CYP39A1: variants seen among roughly 807,000 people sequenced by gnomAD.
CYP39A1 encodes 24-hydroxycholesterol 7-alpha-hydroxylase.
In CYP39A1, 49 loss-of-function variants were observed where a neutral mutation model predicts 58.1. That is an observed-to-expected ratio of 0.84 (90% CI 0.67 to 1.07). CYP39A1 has a LOEUF of 1.07. CYP39A1 is among the 50% of genes least tolerant of loss of function. CYP39A1 has a pLI of 0.00. For synonymous variants in CYP39A1, 209 were observed against 187.6 expected (o/e 1.11, Z -0.93); for missense variants, 531 against 539.4 (o/e 0.98, Z 0.16).
rs756512451 is a variant in CYP39A1, at chr6:46,553,874, T to G, written c.1251-20A>C. On this transcript the variant is annotated intron_variant, in intron 10 of 11. Coordinates refer to ENST00000275016, the MANE Select transcript of CYP39A1 (RefSeq NM_016593.5). ...AACCACCTGGAAGAAACGAATAAAA[T>G]TGTTACTTGATTGTGAAAGATGTAT... 7 of 1,477,662 alleles carry G rather than the reference T, an allele frequency of 4.7e-6. No homozygotes were observed. The South Asian group carries it at 6.0e-5, about 13-fold the overall frequency. 91.5% of individuals were successfully genotyped at this position (1,477,662 alleles called of 1,614,324 possible).
intron 6 of CYP39A1, among the ~76,000 whole-genome samples, chr6:46,628,623 G>A (rs542862546): frequency 2.0e-5 from 3 of 152,266 alleles, no homozygotes; most frequent in Admixed American, 1.3e-4. Context: ...TGAGTCCTAT[G>A]GGCCTTGAGG....
intron 10 of CYP39A1, among the ~76,000 whole-genome samples, chr6:46,586,829 C>T (rs76388234): frequency 0.021 from 3,248 of 152,166 alleles, 37 homozygotes; most frequent in Non-Finnish European, 0.028. Context: ...GAACCATAAA[C>T]GCTGCTTTGA....
intron 7 of CYP39A1, among the ~76,000 whole-genome samples, chr6:46,603,620 T>C (rs1483523939): frequency 6.6e-6 from 1 of 152,186 alleles, no homozygotes; most frequent in Admixed American, 6.5e-5. Flanking sequence ...TTGTATTCCT[T>C]TTTCCCGGGC....
At chr6:46,611,680 T>C (rs1377876758) in intron 7 of CYP39A1, among the ~76,000 whole-genome samples, 1 of 152,180 alleles carries the variant, frequency 6.6e-6, no homozygotes, top group African/African-American at 2.4e-5. Context: ...TCATGATTTT[T>C]TTTCAAGGAA....
intron 7 of CYP39A1, among the ~76,000 whole-genome samples, chr6:46,620,235 C>A (rs9463219): frequency 0.19 from 29,019 of 151,990 alleles, 2,980 homozygotes; most frequent in African/African-American, 0.27. Flanking sequence ...TGAAAATCAA[C>A]AACCCACAGT....
intron 7 of CYP39A1, among the ~76,000 whole-genome samples, chr6:46,604,187 T>C (rs1773692689): frequency 6.6e-6 from 1 of 152,190 alleles, no homozygotes; most frequent in Non-Finnish European, 1.5e-5. Flanking sequence ...GAGCAAATGT[T>C]AAGGAAATCA....
chr6:46,639,405 C>T (rs899073128), intron 3 of CYP39A1, 89 bp downstream of exon 3: 2 of 1,259,910 alleles, frequency 1.6e-6, no homozygotes, highest in African/African-American at 3.1e-5. Flanking sequence ...ATTAATCAAC[C>T]TGACAATGTT....
intron 10 of CYP39A1, among the ~76,000 whole-genome samples, chr6:46,558,763 C>T (rs1466889360): frequency 1.3e-5 from 2 of 151,974 alleles, no homozygotes; most frequent in Non-Finnish European, 1.5e-5. Flanking sequence ...TTTGGGAGGC[C>T]GAGGTGGGTG....
chr6:46,586,573 G>A (rs1561967553), intron 10 of CYP39A1: 2 of 985,976 alleles, frequency 2.0e-6, no homozygotes, highest in Non-Finnish European at 2.4e-6. Flanking sequence ...CACTGAGGAG[G>A]AGGGCTGGGT....
At chr6:46,570,530 T>G (rs1254522905) in intron 10 of CYP39A1, among the ~76,000 whole-genome samples, 4 of 152,162 alleles carry the variant, frequency 2.6e-5, no homozygotes, top group African/African-American at 9.7e-5. Flanking sequence ...GTTGTTGTGT[T>G]CGTTCATTTG....
chr6:46,647,297 A>T (rs1482888663), intron 1 of CYP39A1, among the ~76,000 whole-genome samples: 1 of 152,226 alleles, frequency 6.6e-6, no homozygotes, highest in Non-Finnish European at 1.5e-5. Context: ...TCATCCAAAC[A>T]CTAACCAAAA....
At chr6:46,640,611 A>G (rs1479204444) in intron 2 of CYP39A1, among the ~76,000 whole-genome samples, 5 of 151,380 alleles carry the variant, frequency 3.3e-5, no homozygotes, top group Non-Finnish European at 5.9e-5. Context: ...TTTCTGTTTT[A>G]AAAAAATTTT....
At chr6:46,557,950 A>AG (rs1367176887) in intron 10 of CYP39A1, among the ~76,000 whole-genome samples, 2 of 150,368 alleles carry the variant, frequency 1.3e-5, no homozygotes, top group Non-Finnish European at 3.0e-5. Flanking sequence ...AAAAAAAAAA[A>AG]AAAAGAAAAA....
At chr6:46,608,651 G>A (rs532587835) in intron 7 of CYP39A1, among the ~76,000 whole-genome samples, 1 of 150,350 alleles carries the variant, frequency 6.7e-6, no homozygotes, top group South Asian at 2.1e-4. Flanking sequence ...TCTCACTCTT[G>A]TTGCCCAGGC....
intron 2 of CYP39A1, among the ~76,000 whole-genome samples, chr6:46,640,607 T>C (rs944581977): frequency 1.3e-5 from 2 of 152,178 alleles, no homozygotes; most frequent in African/African-American, 4.8e-5. Context: ...ACTTTTTCTG[T>C]TTTAAAAAAA....
chr6:46,606,588 A>G (rs1416918559), intron 7 of CYP39A1, among the ~76,000 whole-genome samples: 1 of 152,188 alleles, frequency 6.6e-6, no homozygotes, highest in African/African-American at 2.4e-5. Flanking sequence ...ATGACAGACC[A>G]ATAAAGAAAC....
At chr6:46,565,533 T>G (rs1309468242) in intron 10 of CYP39A1, among the ~76,000 whole-genome samples, 1 of 151,476 alleles carries the variant, frequency 6.6e-6, no homozygotes, top group African/African-American at 2.4e-5. Flanking sequence ...AAAAAGGAGA[T>G]GAGAAAGTGT....
At chr6:46,639,123 A>G (rs1776169820) in intron 3 of CYP39A1, among the ~76,000 whole-genome samples, 1 of 152,138 alleles carries the variant, frequency 6.6e-6, no homozygotes, top group Non-Finnish European at 1.5e-5. Context: ...ATAATAGCAA[A>G]TTGCACTGAA....
chr6:46,552,606 T>C (rs1425805714), intron 11 of CYP39A1, among the ~76,000 whole-genome samples: 4 of 152,184 alleles, frequency 2.6e-5, no homozygotes, highest in Admixed American at 1.3e-4. Flanking sequence ...AGCTCTGAGA[T>C]TGCAATCCTT....
Sources: gnomAD v4.1 joint callset for allele counts (sites outside exome capture counted in the v4.1 genomes callset) on GRCh38, gnomAD v4.1.1 for gene constraint, MANE v1.5 for transcripts, NCBI Gene and HGNC (gene_info 2026-07-23, HGNC 2026-07-21) for gene names.